BPTF: variants seen among roughly 807,000 people sequenced by gnomAD.
BPTF encodes the protein nucleosome-remodeling factor subunit BPTF.
Under a neutral mutation model 292.5 loss-of-function variants are expected in BPTF, and 18 were observed. The ratio of observed to expected loss-of-function variants is 0.06; its 90% CI spans 0.04 to 0.09. BPTF has a LOEUF of 0.09. Among genes scored for constraint, BPTF ranks in the 10% least tolerant of loss-of-function variants. The pLI, the probability that BPTF is intolerant of heterozygous loss-of-function variation, is 1.00. For missense variants in BPTF, 2,726 were observed against 3,498.7 expected, an observed-to-expected ratio of 0.78 and a Z score of 5.57; for synonymous variants, 1,225 against 1,251.9, an observed-to-expected ratio of 0.98 and a Z score of 0.45.
chr17:67,968,119 C>T (rs1022855564), intron 26 of BPTF, among the ~76,000 whole-genome samples: 2 of 151,348 alleles, frequency 1.3e-5, no homozygotes, highest in Admixed American at 1.3e-4. Flanking sequence ...AATAATTTAT[C>T]TGCAAAAGAA....
At chr17:67,958,282 A>G (rs2067139697) in intron 23 of BPTF, among the ~76,000 whole-genome samples, 1 of 151,990 alleles carries the variant, frequency 6.6e-6, no homozygotes, top group Non-Finnish European at 1.5e-5. Flanking sequence ...CAGTGAGCCA[A>G]GACTGTGCCA....
chr17:67,978,790 C>T (rs1555695402), intron 27 of BPTF, among the ~76,000 whole-genome samples: 5 of 151,978 alleles, frequency 3.3e-5, no homozygotes, highest in African/African-American at 1.2e-4. Flanking sequence ...TTGTTTAAGA[C>T]AGAAAAACAT....
chr17:67,843,143 C>T (rs1199739531), intron 1 of BPTF, among the ~76,000 whole-genome samples: 1 of 148,490 alleles, frequency 6.7e-6, no homozygotes, highest in East Asian at 2.0e-4. Context: ...TATCTACATA[C>T]ATATAAATAT....
intron 1 of BPTF, among the ~76,000 whole-genome samples, chr17:67,837,408 GTT>G: frequency 6.7e-6 from 1 of 150,236 alleles, no homozygotes; most frequent in Admixed American, 6.6e-5. Flanking sequence ...GTGCTTATGT[GTT>G]TTGTTTTTTT....
chr17:67,922,534 G>A (rs143253397), intron 13 of BPTF, among the ~76,000 whole-genome samples: 348 of 152,280 alleles, frequency 2.3e-3, no homozygotes, highest in African/African-American at 8.0e-3. Context: ...TAGTGCTCCA[G>A]GTGGAAGAAA....
rs180924998 is a variant in BPTF at position 67,916,545 on chromosome 17, G to A, written c.5304-2169G>A. 5.4e-4 allele frequency among the ~76,000 whole-genome samples: 82 copies of A among 151,966 alleles called. 1 individual carries two copies. The highest frequency in any genetic ancestry group is 5.2e-3 in the Admixed American group (80 of 15,254). On this transcript the variant is annotated intron_variant, in intron 11 of 27. Coordinates refer to ENST00000306378, the MANE Select transcript of BPTF (RefSeq NM_182641.4). Reference sequence around the variant, plus strand: ...GCGGAGGTTGCAGTGAGCCGAGATCGCGCCATTGCACTCCAGCCTGAGCGA... The same window carrying A: ...GCGGAGGTTGCAGTGAGCCGAGATCACGCCATTGCACTCCAGCCTGAGCGA...
Position 67,922,187 on chromosome 17 carries a change from T to G in BPTF, c.5558-653T>G, listed in dbSNP as rs560977470. On this transcript the variant is annotated intron_variant, in intron 13 of 27. Coordinates refer to ENST00000306378, the MANE Select transcript of BPTF (RefSeq NM_182641.4). ...GCAGTCCCCTAAAATCACTTCTCTTTGGCTTGTATCCCTTTGTACAATTCA... is the reference window on the plus strand; with the variant it reads ...GCAGTCCCCTAAAATCACTTCTCTTGGGCTTGTATCCCTTTGTACAATTCA... 2.6e-5 allele frequency among the ~76,000 whole-genome samples: 4 copies of G among 152,344 alleles called. No homozygotes were observed. In the East Asian group the frequency reaches 7.7e-4, roughly 29 times the overall value.
Position 67,982,533 on chromosome 17 carries a change from G to C in BPTF, c.*245G>C. On this transcript the variant is annotated 3_prime_UTR_variant, in exon 28 of 28. Coordinates refer to ENST00000306378, the MANE Select transcript of BPTF (RefSeq NM_182641.4). ...ATGGTTTTACTATTGTGGCAGAAGC[G>C]AGAAAACTTTGTTTATTGAAAAAAA... is the stretch of plus-strand genomic sequence containing the variant. 2.7e-6 allele frequency: 1 copy of C among 376,616 alleles called. No homozygotes were observed. Among genetic ancestry groups the C allele is most frequent in the African/African-American group, 2.1e-5 (1 of 47,904 alleles). 23.3% of individuals were successfully genotyped at this position (376,616 alleles called of 1,614,324 possible).
chr17:67,947,626 T>TA (rs1252991472), intron 21 of BPTF, 100 bp from the exon 22 acceptor site: 22 of 923,724 alleles, frequency 2.4e-5, no homozygotes, highest in East Asian at 1.4e-4. Context: ...ACAGTTTCTT[T>TA]AAAAAAACAC....
In BPTF at chr17:67,912,366, A is replaced by G. The variant is rs765073832; in HGVS notation, c.4482A>G (p.Glu1494=). Residue 1494 remains glutamate (E), a synonymous_variant, in exon 11 of 28, where the codon GAA becomes GAG. Coordinates refer to ENST00000306378, the MANE Select transcript of BPTF (RefSeq NM_182641.4). ...KSHLLSSSDA[E]GNYRDSLETL... is the part of the protein sequence containing the mutation. ...ATTTGCTGAGTTCTTCAGATGCTGA[A>G]GGTAACTACCGAGATAGCCTTGAGA... is the stretch of plus-strand genomic sequence containing the variant. The G allele has an allele frequency of 2.5e-6, 4 of 1,614,184 alleles. No homozygotes were observed. In the African/African-American group the frequency reaches 4.0e-5, roughly 16 times the overall value.
At chr17:67,859,540 GC>G (rs758907715) in intron 2 of BPTF, among the ~76,000 whole-genome samples, 42 of 152,184 alleles carry the variant, frequency 2.8e-4, no homozygotes, top group Non-Finnish European at 5.9e-4. Flanking sequence ...AGACCCTGTG[GC>G]TCTTAGGAGG....
intron 15 of BPTF, 77 bp from the exon 16 acceptor site, chr17:67,928,278 G>A: frequency 6.9e-7 from 1 of 1,441,160 alleles, no homozygotes. Context: ...AGAAATTGTG[G>A]ACAGACTTCT....
chr17:67,929,454 C>T lies in BPTF; in HGVS notation c.6117C>T (p.Thr2039=), dbSNP rs771385420. 1.2e-6 allele frequency: 2 copies of T among 1,614,132 alleles called. No homozygotes were observed. Among genetic ancestry groups the T allele is most frequent in the Non-Finnish European group, 1.7e-6 (2 of 1,180,026 alleles). ...CAACAGTCACAATTAGGCCCAATAC[C>T]TCAGGCTCTGGAGGAACCACAAGCA... ...RTATVTIRPN[T]SGSGGTTSNS... is the part of the protein sequence containing the mutation. The change falls in exon 17 of 28, where the codon ACC becomes ACT. Residue 2039 remains threonine (T), a synonymous_variant. Transcript: ENST00000306378.
At chr17:67,863,731 A>G (rs752659240) in intron 2 of BPTF, among the ~76,000 whole-genome samples, 10 of 152,174 alleles carry the variant, frequency 6.6e-5, no homozygotes, top group Non-Finnish European at 1.5e-4. Context: ...TCCAAATAAG[A>G]TCACATCCTG....
chr17:67,962,995 T>A (rs2067665366), intron 24 of BPTF, among the ~76,000 whole-genome samples: 1 of 152,244 alleles, frequency 6.6e-6, no homozygotes, highest in African/African-American at 2.4e-5. Context: ...CTTTGGTTTT[T>A]GTGCCTGTTA....
rs56099409 is a variant in BPTF, at chr17:67,952,054, C to CAAAA, written c.7926+3768_7926+3771dup. On this transcript the variant is annotated intron_variant, in intron 23 of 27. Coordinates refer to ENST00000306378, the MANE Select transcript of BPTF (RefSeq NM_182641.4). ...TGGGCGACAGAGTGAGACTCTGTCT[C>CAAAA]AAAAAAAAAAAAAAAAAAAAAAATT... is the stretch of plus-strand genomic sequence containing the variant. Among the ~76,000 whole-genome samples, 409 of 70,984 alleles carry CAAAA rather than the reference C, an allele frequency of 5.8e-3. 13 individuals carry two copies. Among genetic ancestry groups the CAAAA allele is most frequent in the Middle Eastern group, 0.02 (2 of 102 alleles). The allele number at this position is 70,984 out of a possible 152,430, so 46.6% of individuals were successfully genotyped here.
chr17:67,980,700 A>G (rs2070237866), intron 27 of BPTF, among the ~76,000 whole-genome samples: 1 of 152,148 alleles, frequency 6.6e-6, no homozygotes, highest in African/African-American at 2.4e-5. Context: ...GAATTGGTAA[A>G]GGAGAGATGG....
chr17:67,894,224 C>T, intron 7 of BPTF, 59 bp downstream of exon 7: 1 of 1,514,172 alleles, frequency 6.6e-7, no homozygotes, highest in African/African-American at 1.4e-5. Flanking sequence ...GAAATACTAG[C>T]CTATTAATAA....
chr17:67,961,346 A>G (rs2067465032), intron 24 of BPTF, among the ~76,000 whole-genome samples: 1 of 152,208 alleles, frequency 6.6e-6, no homozygotes, highest in African/African-American at 2.4e-5. Flanking sequence ...ATTTTAGTTG[A>G]GATGAGTTAG....
Sources: gnomAD v4.1 joint callset for allele counts (sites outside exome capture counted in the v4.1 genomes callset) on GRCh38, gnomAD v4.1.1 for gene constraint, MANE v1.5 for transcripts, NCBI Gene and HGNC (gene_info 2026-07-23, HGNC 2026-07-21) for gene names.